MLIP: variants seen among roughly 807,000 people sequenced by gnomAD.
MLIP encodes the protein muscular LMNA-interacting protein.
A neutral mutation model predicts 84.8 loss-of-function variants in MLIP; 79 were observed. That is an observed-to-expected ratio of 0.93 (90% CI 0.78 to 1.12). The LOEUF is 1.12. Among genes scored for constraint, MLIP ranks in the 50% most tolerant of loss-of-function variants. MLIP has a pLI of 0.00. For synonymous variants in MLIP, 504 were observed against 463.0 expected, an observed-to-expected ratio of 1.09 and a Z score of -1.14; for missense variants, 1,257 against 1,160.6, an observed-to-expected ratio of 1.08 and a Z score of -1.21.
intron 8 of MLIP, among the ~76,000 whole-genome samples, chr6:54,163,477 A>T (rs1774866248): frequency 6.6e-6 from 1 of 151,708 alleles, no homozygotes. Context: ...TTTGATATTT[A>T]CTAGTTTGAA....
intron 12 of MLIP, among the ~76,000 whole-genome samples, chr6:54,246,570 A>G (rs554540699): frequency 6.6e-5 from 10 of 151,890 alleles, no homozygotes; most frequent in African/African-American, 2.4e-4. Flanking sequence ...TGATTTTTTT[A>G]TCTTGAGACA....
chr6:54,257,251 A>T (rs879652435), intron 12 of MLIP, 57 bp from the exon 13 acceptor site: 2 of 1,239,072 alleles, frequency 1.6e-6, no homozygotes, highest in Non-Finnish European at 2.3e-6. Context: ...AAATTTTAAC[A>T]TTTATTTTTT....
chr6:54,203,907 A>T (rs1778866609), intron 11 of MLIP: 1 of 152,228 alleles, frequency 6.6e-6, no homozygotes, highest in Non-Finnish European at 1.5e-5. Flanking sequence ...CTTAATGCAC[A>T]AAATGAGGTG....
chr6:54,241,664 T>C (rs1781745991), intron 12 of MLIP, among the ~76,000 whole-genome samples: 1 of 152,196 alleles, frequency 6.6e-6, no homozygotes, highest in African/African-American at 2.4e-5. Context: ...ATTAGAACTA[T>C]GTTTTTGCTA....
At chr6:54,201,410 T>C (rs1778668431) in intron 10 of MLIP, among the ~76,000 whole-genome samples, 1 of 152,210 alleles carries the variant, frequency 6.6e-6, no homozygotes, top group African/African-American at 2.4e-5. Context: ...TGTCTCTCCT[T>C]TCTGGGCTGC....
intron 1 of MLIP, among the ~76,000 whole-genome samples, chr6:54,025,152 A>G (rs1763729212): frequency 6.6e-6 from 1 of 152,012 alleles, no homozygotes; most frequent in South Asian, 2.1e-4. Flanking sequence ...CCCGGCCTGT[A>G]ACATGTTTTA....
chr6:54,038,131 A>G (rs1433165249), intron 1 of MLIP, among the ~76,000 whole-genome samples: 5 of 151,928 alleles, frequency 3.3e-5, no homozygotes, highest in Admixed American at 6.6e-5. Context: ...GGGACATACT[A>G]GACTATTCAG....
At chr6:54,052,280 T>C (rs1407618117) in intron 1 of MLIP, among the ~76,000 whole-genome samples, 1 of 152,066 alleles carries the variant, frequency 6.6e-6, no homozygotes, top group African/African-American at 2.4e-5. Context: ...CTATGATAAA[T>C]TGGACCAGGA....
At chr6:54,194,424 A>T (rs1413936585) in intron 10 of MLIP, among the ~76,000 whole-genome samples, 1 of 152,176 alleles carries the variant, frequency 6.6e-6, no homozygotes. Context: ...AACCATTGAA[A>T]TATTTCAATC....
intron 5 of MLIP, among the ~76,000 whole-genome samples, chr6:54,158,317 A>C (rs912137936): frequency 6.6e-6 from 1 of 152,132 alleles, no homozygotes; most frequent in African/African-American, 2.4e-5. Context: ...TATATAATAC[A>C]TGACAATAGA....
chr6:54,054,564 T>G (rs754513358), intron 1 of MLIP, among the ~76,000 whole-genome samples: 1 of 152,128 alleles, frequency 6.6e-6, no homozygotes, highest in African/African-American at 2.4e-5. Context: ...TCTGTTCCTA[T>G]CCATATTCAG....
chr6:54,130,235 G>A (rs1771268055), intron 3 of MLIP, among the ~76,000 whole-genome samples: 1 of 152,240 alleles, frequency 6.6e-6, no homozygotes, highest in South Asian at 2.1e-4. Context: ...TACAAAGGAA[G>A]AACATATCTG....
chr6:54,082,369 C>T (rs1052838540), intron 1 of MLIP, among the ~76,000 whole-genome samples: 2 of 152,296 alleles, frequency 1.3e-5, no homozygotes, highest in South Asian at 2.1e-4. Context: ...AACTGCCGAA[C>T]ATGTATAAAA....
At chr6:54,109,265 TTATAAAA>T, upstream of MLIP, among the ~76,000 whole-genome samples, 1 of 152,174 alleles carries the variant, frequency 6.6e-6, no homozygotes. Context: ...TTTATGTTAT[TTATAAAA>T]CTAGAAAACA....
chr6:54,099,378 AT>A lies in MLIP; in HGVS notation c.64-22061del, dbSNP rs67738341. On this transcript the variant is annotated intron_variant, in intron 1 of 12. Coordinates refer to the MLIP transcript ENST00000274897. Reference sequence around the variant, plus strand: ...TTAATAACTATGCACTGAAACAATGATTTTTTTTGTGTATCAAATTCCTTTA... The same window carrying A: ...TTAATAACTATGCACTGAAACAATGATTTTTTTGTGTATCAAATTCCTTTA... Among the ~76,000 whole-genome samples the A allele has an allele frequency of 3.9e-3, 599 of 151,892 alleles. 6 individuals are homozygous for A. Among genetic ancestry groups the A allele is most frequent in the African/African-American group, 0.012 (479 of 41,346 alleles).
At chr6:54,188,555 T>C (rs956011375) in intron 9 of MLIP, among the ~76,000 whole-genome samples, 4 of 152,126 alleles carry the variant, frequency 2.6e-5, no homozygotes, top group African/African-American at 9.7e-5. Flanking sequence ...ATTAAGACGT[T>C]ACTAGGTGAC....
chr6:54,044,168 T>C (rs567772788), intron 1 of MLIP, among the ~76,000 whole-genome samples: 9 of 152,378 alleles, frequency 5.9e-5, no homozygotes, highest in South Asian at 2.1e-4. Flanking sequence ...TCGGGTCATC[T>C]AAGTATTTAG....
rs1182441299 is a variant in MLIP at position 54,169,191 on chromosome 6, TA to T, written c.2500-335del. ...ATTGGAGTAGATGAGAACATCTTTGTAATTGAGGAGCTCAAAAAATGGAAAA... is the reference window on the plus strand; with the variant it reads ...ATTGGAGTAGATGAGAACATCTTTGTATTGAGGAGCTCAAAAAATGGAAAA... On this transcript the variant is annotated intron_variant, in intron 8 of 13. Transcript: ENST00000502396. Among the ~76,000 whole-genome samples, 6 of 151,798 alleles carry T rather than the reference TA, an allele frequency of 4.0e-5. No homozygotes were observed. The East Asian group carries it at 9.7e-4, about 25-fold the overall frequency.
intron 1 of MLIP, among the ~76,000 whole-genome samples, chr6:54,099,215 A>C (rs984087731): frequency 5.3e-5 from 8 of 152,004 alleles, no homozygotes; most frequent in Non-Finnish European, 1.0e-4. Flanking sequence ...AATAATTTAA[A>C]TTCAATTTGA....
Sources: allele counts gnomAD v4.1 joint callset (sites outside exome capture counted in the v4.1 genomes callset), GRCh38; gene constraint gnomAD v4.1.1; transcripts MANE v1.5; gene names NCBI Gene and HGNC (gene_info 2026-07-23, HGNC 2026-07-21).